Variants in SPTLC2 observed in about 807,000 individuals in gnomAD.
SPTLC2 encodes the protein serine palmitoyltransferase long chain base subunit 2.
Under a neutral mutation model 62.0 loss-of-function variants are expected in SPTLC2, and 21 were observed. That is an observed-to-expected ratio of 0.34 (90% CI 0.24 to 0.49). The LOEUF (loss-of-function observed/expected upper bound fraction) is 0.49, where lower values mean the gene tolerates loss of function less well. Among genes scored for constraint, SPTLC2 ranks in the 20% least tolerant of loss-of-function variants. The pLI is 0.99. For missense variants in SPTLC2, 511 were observed against 713.0 expected (o/e 0.72, Z 3.23); for synonymous variants, 261 against 261.8 (o/e 1.00, Z 0.03).
intron 9 of SPTLC2, among the ~76,000 whole-genome samples, chr14:77,538,312 A>C (rs2079481380): frequency 6.6e-6 from 1 of 152,194 alleles, no homozygotes; most frequent in South Asian, 2.1e-4. Flanking sequence ...TCCTTTTCTG[A>C]AAACTACCAC....
At chr14:77,525,026 T>A (rs56276583) in intron 9 of SPTLC2, among the ~76,000 whole-genome samples, 12,634 of 152,222 alleles carry the variant, frequency 0.083, 610 homozygotes, top group Middle Eastern at 0.16. Flanking sequence ...GAAATGATAA[T>A]GTTTGCGGTG....
chr14:77,547,164 G>A (rs1188062660), intron 9 of SPTLC2, among the ~76,000 whole-genome samples: 5 of 129,570 alleles, frequency 3.9e-5, no homozygotes, highest in Admixed American at 8.4e-5. Flanking sequence ...CGCACCCGGC[G>A]GAAACAAGTA....
At chr14:77,529,378 C>T (rs1382956889) in intron 9 of SPTLC2, among the ~76,000 whole-genome samples, 5 of 144,884 alleles carry the variant, frequency 3.5e-5, no homozygotes, top group Admixed American at 6.9e-5. Context: ...ACTTTGCCTG[C>T]GTTGTGTGTC....
At position 77,609,536 on chromosome 14, in the gene SPTLC2, G is replaced by A. The variant is rs139438247; in HGVS notation, c.132+6912C>T. Among the ~76,000 whole-genome samples, 1,180 of 152,250 alleles carry A rather than the reference G, an allele frequency of 7.8e-3. 11 individuals carry two copies. The highest frequency in any genetic ancestry group is 0.027 in the African/African-American group (1,130 of 41,520). On this transcript the variant is annotated intron_variant, in intron 1 of 11. Coordinates refer to ENST00000216484, the MANE Select transcript of SPTLC2 (RefSeq NM_004863.4). ...TGGATCACTTAGGTCAGGAGTCTGA[G>A]ACCAGCCTGACCAACATGGTGAAAC...
chr14:77,518,905 G>T (rs2139993510), intron 10 of SPTLC2, among the ~76,000 whole-genome samples: 1 of 152,304 alleles, frequency 6.6e-6, no homozygotes, highest in South Asian at 2.1e-4. Context: ...GGCTTCAGCT[G>T]ATTACTCAGA....
chr14:77,541,885 C>T (rs1240570519), intron 9 of SPTLC2, among the ~76,000 whole-genome samples: 3 of 152,062 alleles, frequency 2.0e-5, no homozygotes, highest in African/African-American at 4.8e-5. Flanking sequence ...GGAGAAACCC[C>T]GTCTCTACTA....
At chr14:77,514,258 G>T (rs116648673) in intron 11 of SPTLC2, among the ~76,000 whole-genome samples, 1,705 of 152,234 alleles carry the variant, frequency 0.011, 34 homozygotes, top group African/African-American at 0.039. Context: ...GAAGAATCTA[G>T]AATTTTTTCA....
intron 1 of SPTLC2, 138 bp downstream of exon 1, chr14:77,616,310 G>C: frequency 2.4e-6 from 1 of 420,002 alleles, no homozygotes; most frequent in Non-Finnish European, 3.7e-6. Context: ...GCCAGCGGCC[G>C]GACACTGCCG....
In SPTLC2 at chr14:77,576,927, T is replaced by C. The variant is rs2079719474; in HGVS notation, c.483-12A>G. 23 of 1,613,828 alleles carry C rather than the reference T, an allele frequency of 1.4e-5. No individual in the cohort carries two copies. Among genetic ancestry groups the C allele is most frequent in the Non-Finnish European group, 1.9e-5 (23 of 1,179,996 alleles). On this transcript the variant is annotated splice_polypyrimidine_tract_variant and intron_variant, in intron 3 of 11. Coordinates refer to ENST00000216484, the MANE Select transcript of SPTLC2 (RefSeq NM_004863.4). The stretch of plus-strand genomic sequence containing the variant: ...TATTCCCTGTATACCTGTGCATCAA[T>C]AGCATAAAACAATGAAACTCATGAG...
In SPTLC2 at chr14:77,605,013, T is replaced by G. The variant is rs1353668521; in HGVS notation, c.133-7633A>C. Among the ~76,000 whole-genome samples, 6 of 152,096 alleles carry G rather than the reference T, an allele frequency of 3.9e-5. No individual in the cohort carries two copies. The East Asian group carries it at 1.2e-3, about 29-fold the overall frequency. On this transcript the variant is annotated intron_variant, in intron 1 of 11. Transcript: ENST00000216484. ...TTTCTACTTTAAACATTTGGCCTAT[T>G]TATTTATTTTAAAGAGACAGGGTCT...
intron 1 of SPTLC2, among the ~76,000 whole-genome samples, chr14:77,602,506 T>C (rs1018340283): frequency 1.3e-5 from 2 of 151,952 alleles, no homozygotes; most frequent in Non-Finnish European, 2.9e-5. Flanking sequence ...GAGCTTCCTG[T>C]GGGGCACGAG....
In SPTLC2 at chr14:77,509,539, T is replaced by A. The variant is rs2079322088; in HGVS notation, c.*2745A>T. The stretch of plus-strand genomic sequence containing the variant: ...GATGATCAGTTTTGGTAGTCATGGT[T>A]AACCGGTATCTGTTTGAATCCTATC... On this transcript the variant is annotated 3_prime_UTR_variant, in exon 12 of 12. Coordinates refer to ENST00000216484, the MANE Select transcript of SPTLC2 (RefSeq NM_004863.4). The A allele has an allele frequency of 4.7e-6, 1 of 214,514 alleles. No individual in the cohort carries two copies. The highest frequency in any genetic ancestry group is 2.3e-5 in the African/African-American group (1 of 44,052). 13.3% of individuals were successfully genotyped at this position (214,514 alleles called of 1,614,324 possible).
At chr14:77,538,905 C>T (rs908092009) in intron 9 of SPTLC2, among the ~76,000 whole-genome samples, 2 of 151,874 alleles carry the variant, frequency 1.3e-5, no homozygotes, top group Non-Finnish European at 2.9e-5. Context: ...AGACTATCTA[C>T]GTTTGTATCC....
At chr14:77,515,178 T>C (rs1220125776) in intron 11 of SPTLC2, among the ~76,000 whole-genome samples, 1 of 152,230 alleles carries the variant, frequency 6.6e-6, no homozygotes, top group Non-Finnish European at 1.5e-5. Flanking sequence ...TTTGTAGTAA[T>C]TAGCTTTGTT....
At chr14:77,592,387 G>A (rs1453286518) in intron 2 of SPTLC2, among the ~76,000 whole-genome samples, 5 of 151,956 alleles carry the variant, frequency 3.3e-5, no homozygotes, top group East Asian at 1.9e-4. Flanking sequence ...CACCCACCTC[G>A]GCCTCCCAAA....
Position 77,509,981 on chromosome 14 carries a change from A to G in SPTLC2, c.*2303T>C. On this transcript the variant is annotated 3_prime_UTR_variant, in exon 12 of 12. Coordinates refer to ENST00000216484, the MANE Select transcript of SPTLC2 (RefSeq NM_004863.4). ...AGACTAGCAGGTAAGTTCATTGCTT[A>G]TAAGTTTGTGACTTTTACAAACCCT... The G allele has an allele frequency of 5.0e-6, 2 of 398,422 alleles. No individual in the cohort carries two copies. The highest frequency in any genetic ancestry group is 8.9e-6 in the Non-Finnish European group (2 of 225,974). The allele number at this position is 398,422 out of a possible 1,614,324, so 24.7% of individuals were successfully genotyped here.
intron 10 of SPTLC2, among the ~76,000 whole-genome samples, chr14:77,518,891 C>G (rs77532195): frequency 6.6e-6 from 1 of 152,160 alleles, no homozygotes; most frequent in Non-Finnish European, 1.5e-5. Flanking sequence ...CCAGTTCACC[C>G]GCTGGCTTCA....
At chr14:77,586,037 A>G (rs2079779115) in intron 2 of SPTLC2, among the ~76,000 whole-genome samples, 1 of 151,976 alleles carries the variant, frequency 6.6e-6, no homozygotes, top group Non-Finnish European at 1.5e-5. Context: ...AGGTACATGT[A>G]GACTTTGACA....
At chr14:77,596,024 A>G (rs111867767) in intron 2 of SPTLC2, among the ~76,000 whole-genome samples, 5,251 of 152,214 alleles carry the variant, frequency 0.034, 294 homozygotes, top group African/African-American at 0.12. Flanking sequence ...GTGAGCTTCA[A>G]GTCAATAACA....
Sources: allele counts gnomAD v4.1 joint callset (sites outside exome capture counted in the v4.1 genomes callset), GRCh38; gene constraint gnomAD v4.1.1; transcripts MANE v1.5; gene names NCBI Gene and HGNC (gene_info 2026-07-23, HGNC 2026-07-21).